SLCO4C1: variants seen among roughly 807,000 people sequenced by gnomAD.
SLCO4C1 encodes solute carrier organic anion transporter family member 4C1.
SLCO4C1 carries 58 observed loss-of-function variants against 72.1 expected under a neutral mutation model. The observed-to-expected ratio is 0.80, with a 90% CI of 0.65 to 1.00. SLCO4C1 has a LOEUF of 1.00. Ranked by LOEUF, SLCO4C1 falls within the 50% of genes least tolerant of loss-of-function variation. The probability of loss-of-function intolerance (pLI) is 0.00; values close to 1 mark genes in which losing one functional copy is unlikely to be tolerated. For synonymous variants in SLCO4C1, 297 were observed against 312.5 expected (o/e 0.95, Z 0.52); for missense variants, 898 against 857.9 (o/e 1.05, Z -0.58).
At chr5:102,262,094 AGGATAAT>A in intron 4 of SLCO4C1, 61 bp from the exon 5 acceptor site, 1 of 1,457,006 alleles carries the variant, frequency 6.9e-7, no homozygotes. Context: ...AAACTCAGTT[AGGATAAT>A]CATATACTTT....
intron 9 of SLCO4C1, among the ~76,000 whole-genome samples, chr5:102,249,136 T>C (rs890285341): frequency 4.6e-5 from 7 of 152,150 alleles, no homozygotes; most frequent in Non-Finnish European, 7.4e-5. Context: ...AAAAATAAAA[T>C]TGACCCTTGA....
intron 3 of SLCO4C1, 59 bp downstream of exon 3, chr5:102,270,565 C>T (rs1749130864): frequency 7.0e-7 from 1 of 1,418,684 alleles, no homozygotes; most frequent in Admixed American, 2.4e-5. Flanking sequence ...TACTTTACTT[C>T]TAAAGTGAAC....
chr5:102,236,853 C>T lies in SLCO4C1; in HGVS notation c.*5G>A. 6.2e-7 allele frequency: 1 copy of T among 1,609,420 alleles called. No individual in the cohort carries two copies. The highest frequency in any genetic ancestry group is 8.5e-7 in the Non-Finnish European group (1 of 1,178,836). On this transcript the variant is annotated 3_prime_UTR_variant, in exon 13 of 13. Coordinates refer to ENST00000310954, the MANE Select transcript of SLCO4C1 (RefSeq NM_180991.5). ...AGGTGTAAAACAGTCTTCTCTTTTC[C>T]CATTTCACCCTTCTTTTACTATTTT...
At chr5:102,240,823 T>C (rs1451057487) in intron 10 of SLCO4C1, 41 bp from the exon 11 acceptor site, 1 of 1,426,660 alleles carries the variant, frequency 7.0e-7, no homozygotes. Flanking sequence ...AAAGGTGGTA[T>C]AGTATATTCA....
chr5:102,279,827 A>T (rs1237214065), intron 2 of SLCO4C1, among the ~76,000 whole-genome samples: 1 of 152,072 alleles, frequency 6.6e-6, no homozygotes, highest in Non-Finnish European at 1.5e-5. Context: ...TCGCATGATC[A>T]TGATCACATG....
rs1438289796 is a variant in SLCO4C1 at position 102,295,896 on chromosome 5, G to C, written c.355+12C>G. On this transcript the variant is annotated intron_variant, in intron 1 of 12. Coordinates refer to ENST00000310954, the MANE Select transcript of SLCO4C1 (RefSeq NM_180991.5). ...CCACTGGCCCGAGCCTCAAGCGGGC[G>C]CTGGACTTTACCTTGCGTGACGGCC... 1 of 1,605,674 alleles carries C rather than the reference G, an allele frequency of 6.2e-7. No homozygotes were observed. Among genetic ancestry groups the C allele is most frequent in the Admixed American group, 1.7e-5 (1 of 59,668 alleles).
At chr5:102,285,945 T>C (rs1749444555) in intron 2 of SLCO4C1, among the ~76,000 whole-genome samples, 1 of 152,114 alleles carries the variant, frequency 6.6e-6, no homozygotes, top group African/African-American at 2.4e-5. Context: ...TCTAAAATTC[T>C]TTGCCCTAGG....
chr5:102,236,839 A>G lies in SLCO4C1; in HGVS notation c.*19T>C. ...GAGGTAAATTTTCCAGGTGTAAAACAGTCTTCTCTTTTCCCATTTCACCCT... is the reference window on the plus strand; with the variant it reads ...GAGGTAAATTTTCCAGGTGTAAAACGGTCTTCTCTTTTCCCATTTCACCCT... On this transcript the variant is annotated 3_prime_UTR_variant, in exon 13 of 13. Transcript: ENST00000310954. The G allele has an allele frequency of 2.5e-6, 4 of 1,608,092 alleles. No individual in the cohort carries two copies. The highest frequency in any genetic ancestry group is 3.4e-6 in the Non-Finnish European group (4 of 1,178,522).
At chr5:102,267,504 C>T (rs1465159223) in intron 3 of SLCO4C1, among the ~76,000 whole-genome samples, 1 of 150,010 alleles carries the variant, frequency 6.7e-6, no homozygotes, top group Non-Finnish European at 1.5e-5. Flanking sequence ...TTTAGGTCTT[C>T]TCTCTTTTTT....
At chr5:102,252,936 TTA>T (rs1336380641) in intron 8 of SLCO4C1, among the ~76,000 whole-genome samples, 2 of 152,194 alleles carry the variant, frequency 1.3e-5, no homozygotes, top group African/African-American at 4.8e-5. Context: ...ATAAACATCT[TTA>T]TGTTTGCCAC....
At chr5:102,281,822 C>T in intron 2 of SLCO4C1, among the ~76,000 whole-genome samples, 1 of 152,050 alleles carries the variant, frequency 6.6e-6, no homozygotes, top group South Asian at 2.1e-4. Context: ...TAAAGTGATA[C>T]AGTGAATCTG....
At chr5:102,277,822 G>C (rs72777964) in intron 2 of SLCO4C1, among the ~76,000 whole-genome samples, 1 of 150,426 alleles carries the variant, frequency 6.6e-6, no homozygotes, top group Non-Finnish European at 1.5e-5. Context: ...ATGTAATGCA[G>C]TACCTAGAAA....
At chr5:102,270,161 G>T (rs945749384) in intron 3 of SLCO4C1, among the ~76,000 whole-genome samples, 3 of 152,144 alleles carry the variant, frequency 2.0e-5, no homozygotes, top group African/African-American at 7.2e-5. Flanking sequence ...AGGAACATAA[G>T]AGAAGGAATT....
At chr5:102,282,632 A>G (rs564242528) in intron 2 of SLCO4C1, among the ~76,000 whole-genome samples, 20 of 152,182 alleles carry the variant, frequency 1.3e-4, no homozygotes, top group African/African-American at 4.8e-4. Context: ...CCAAGTAAAA[A>G]GAAGTCAACG....
chr5:102,260,880 C>T (rs1748929407), intron 5 of SLCO4C1, among the ~76,000 whole-genome samples: 1 of 152,020 alleles, frequency 6.6e-6, no homozygotes, highest in Non-Finnish European at 1.5e-5. Context: ...AAATGAATGG[C>T]TCAGGGTAGA....
chr5:102,281,493 G>A (rs1195076478), intron 2 of SLCO4C1, among the ~76,000 whole-genome samples: 2 of 152,040 alleles, frequency 1.3e-5, no homozygotes, highest in African/African-American at 2.4e-5. Context: ...CCTGTTAAGA[G>A]GATGAAAAGA....
chr5:102,275,771 T>C (rs539344215), intron 2 of SLCO4C1, among the ~76,000 whole-genome samples: 5 of 152,346 alleles, frequency 3.3e-5, no homozygotes, highest in East Asian at 3.9e-4. Flanking sequence ...TGTAACATGA[T>C]AAAGAATATT....
chr5:102,242,265 G>A (rs958221253), intron 10 of SLCO4C1, among the ~76,000 whole-genome samples: 1 of 152,216 alleles, frequency 6.6e-6, no homozygotes, highest in Non-Finnish European at 1.5e-5. Context: ...AGGCAGTCTA[G>A]GCCATAGGGA....
chr5:102,296,244 T>A lies in SLCO4C1; in HGVS notation c.19A>T (p.Ile7Phe), dbSNP rs772666029. The A allele has an allele frequency of 1.3e-6, 2 of 1,550,840 alleles. No homozygotes were observed. The highest frequency in any genetic ancestry group is 8.7e-7 in the Non-Finnish European group (1 of 1,150,350). ...GAGGGGACAAAAGCCAAGTTCTCAATACCTTTGGCGCTCTTCATGTCTGGA... is the reference window on the plus strand; with the variant it reads ...GAGGGGACAAAAGCCAAGTTCTCAAAACCTTTGGCGCTCTTCATGTCTGGA... Reference protein sequence around the residue: MKSAKGIENLAFVPSSP... With the variant: MKSAKGFENLAFVPSSP... Residue 7 changes from isoleucine (I) to phenylalanine (F), a missense_variant, in exon 1 of 13, where the codon ATT (isoleucine) becomes TTT (phenylalanine). Transcript: ENST00000310954.
Sources: gnomAD v4.1 joint callset for allele counts (sites outside exome capture counted in the v4.1 genomes callset) on GRCh38, gnomAD v4.1.1 for gene constraint, MANE v1.5 for transcripts, NCBI Gene and HGNC (gene_info 2026-07-23, HGNC 2026-07-21) for gene names.